The following DLG2 variants were observed in gnomAD, a reference collection of about 807,000 sequenced individuals.
DLG2 encodes discs large MAGUK scaffold protein 2.
DLG2 carries 45 observed loss-of-function variants against 132.5 expected under a neutral mutation model. That is an observed-to-expected ratio of 0.34 (90% CI 0.27 to 0.44). The LOEUF (loss-of-function observed/expected upper bound fraction) is 0.44. Ranked by LOEUF, DLG2 falls within the 20% of genes least tolerant of loss-of-function variation. The pLI, the probability that DLG2 is intolerant of heterozygous loss-of-function variation, is 1.00. For missense variants in DLG2, 1,045 were observed against 1,196.9 expected, an observed-to-expected ratio of 0.87 and a Z score of 1.87; for synonymous variants, 424 against 419.6, an observed-to-expected ratio of 1.01 and a Z score of -0.13.
chr11:83,470,743 C>G (rs748357498), intron 24 of DLG2, among the ~76,000 whole-genome samples: 1 of 152,168 alleles, frequency 6.6e-6, no homozygotes, highest in African/African-American at 2.4e-5. Context: ...TGGACACATA[C>G]AATTCCTGCT....
At chr11:83,821,504 C>A (rs1264316567) in intron 17 of DLG2, among the ~76,000 whole-genome samples, 4 of 152,132 alleles carry the variant, frequency 2.6e-5, no homozygotes, top group African/African-American at 9.7e-5. Context: ...ATCTGCCATG[C>A]ATTACGACCA....
chr11:85,070,932 G>C (rs2065772180), intron 6 of DLG2, among the ~76,000 whole-genome samples: 2 of 151,964 alleles, frequency 1.3e-5, no homozygotes, highest in South Asian at 4.1e-4. Context: ...GGTTGGAGAG[G>C]AGTACAAAAT....
intron 6 of DLG2, among the ~76,000 whole-genome samples, chr11:84,631,928 G>A (rs1343940865): frequency 6.6e-6 from 1 of 152,118 alleles, no homozygotes; most frequent in Non-Finnish European, 1.5e-5. Flanking sequence ...TATAACAACT[G>A]ATGCTTCCTG....
intron 18 of DLG2, among the ~76,000 whole-genome samples, chr11:83,659,837 T>A (rs2073783827): frequency 6.6e-6 from 1 of 152,244 alleles, no homozygotes; most frequent in Non-Finnish European, 1.5e-5. Flanking sequence ...AATTGTATTG[T>A]TATGTAATTG....
intron 5 of DLG2, among the ~76,000 whole-genome samples, chr11:85,123,226 C>A (rs2074642852): frequency 6.6e-6 from 1 of 151,734 alleles, no homozygotes; most frequent in African/African-American, 2.4e-5. Context: ...ATCCGCCCGC[C>A]TCGGCCTCCC....
intron 6 of DLG2, among the ~76,000 whole-genome samples, chr11:84,546,266 G>A (rs569278673): frequency 1.2e-4 from 19 of 152,194 alleles, no homozygotes; most frequent in Admixed American, 7.2e-4. Context: ...TGATTGTTTG[G>A]AAGTGTGAAG....
intron 6 of DLG2, among the ~76,000 whole-genome samples, chr11:84,672,014 C>G (rs2099706425): frequency 6.6e-6 from 1 of 152,144 alleles, no homozygotes; most frequent in African/African-American, 2.4e-5. Flanking sequence ...ATCAGTTATC[C>G]AGAACCTCAT....
chr11:84,821,371 G>A (rs1366534555), intron 6 of DLG2, among the ~76,000 whole-genome samples: 1 of 151,588 alleles, frequency 6.6e-6, no homozygotes, highest in African/African-American at 2.4e-5. Context: ...CATCGTAACT[G>A]TTCTACCTTG....
intron 10 of DLG2, among the ~76,000 whole-genome samples, chr11:84,074,880 T>C (rs1343631942): frequency 6.6e-6 from 1 of 152,144 alleles, no homozygotes; most frequent in Non-Finnish European, 1.5e-5. Flanking sequence ...ATCCCTTACT[T>C]AAGACCTACG....
chr11:83,573,846 A>G (rs2096835972), intron 19 of DLG2, among the ~76,000 whole-genome samples: 1 of 152,172 alleles, frequency 6.6e-6, no homozygotes, highest in South Asian at 2.1e-4. Context: ...GAGAAGCACA[A>G]TTTACAACAG....
chr11:84,048,018 G>C (rs1265767947), intron 11 of DLG2, among the ~76,000 whole-genome samples: 1 of 151,472 alleles, frequency 6.6e-6, no homozygotes. Flanking sequence ...TAGAGAAAGA[G>C]CCTCCCAATT....
intron 4 of DLG2, among the ~76,000 whole-genome samples, chr11:85,257,061 A>G (rs1251455537): frequency 6.6e-6 from 1 of 152,234 alleles, no homozygotes; most frequent in Non-Finnish European, 1.5e-5. Context: ...TGAAAGAAAG[A>G]AAAAGACAGA....
At chr11:83,778,782 G>C (rs2153855799) in intron 18 of DLG2, among the ~76,000 whole-genome samples, 1 of 152,194 alleles carries the variant, frequency 6.6e-6, no homozygotes, top group East Asian at 1.9e-4. Flanking sequence ...AAGGAATCTG[G>C]AAAGGACCTT....
At chr11:83,886,393 A>G (rs1370077468) in intron 15 of DLG2, among the ~76,000 whole-genome samples, 2 of 152,178 alleles carry the variant, frequency 1.3e-5, no homozygotes, top group African/African-American at 2.4e-5. Context: ...AACAAGAAGA[A>G]CTAACTATCC....
chr11:84,760,683 T>A (rs1235871362), intron 6 of DLG2, among the ~76,000 whole-genome samples: 1 of 152,196 alleles, frequency 6.6e-6, no homozygotes, highest in Non-Finnish European at 1.5e-5. Context: ...GTATTTGGGT[T>A]ACAGGGACAA....
At chr11:83,944,561 G>A (rs1014562990) in intron 14 of DLG2, among the ~76,000 whole-genome samples, 4 of 152,212 alleles carry the variant, frequency 2.6e-5, no homozygotes, top group Non-Finnish European at 5.9e-5. Flanking sequence ...TGAACTACTG[G>A]AATGAGGACA....
At chr11:83,489,728 A>G (rs1342269385) in intron 21 of DLG2, among the ~76,000 whole-genome samples, 1 of 152,018 alleles carries the variant, frequency 6.6e-6, no homozygotes, top group East Asian at 1.9e-4. Flanking sequence ...GTGAAGGTAG[A>G]TCTGTAAAGA....
At chr11:85,542,318 G>T (rs902808834) in intron 3 of DLG2, among the ~76,000 whole-genome samples, 3 of 152,100 alleles carry the variant, frequency 2.0e-5, no homozygotes, top group Non-Finnish European at 4.4e-5. Context: ...TTATGTTGGA[G>T]AACTCCCCCA....
intron 3 of DLG2, among the ~76,000 whole-genome samples, chr11:85,365,257 G>T (rs928333451): frequency 6.6e-6 from 1 of 151,956 alleles, no homozygotes; most frequent in Non-Finnish European, 1.5e-5. Flanking sequence ...AATGGCAAAG[G>T]GTATCCCAGA....
Sources: allele counts gnomAD v4.1 joint callset (sites outside exome capture counted in the v4.1 genomes callset), GRCh38; gene constraint gnomAD v4.1.1; transcripts MANE v1.5; gene names NCBI Gene and HGNC (gene_info 2026-07-23, HGNC 2026-07-21).